Variants in GRIN2B observed in about 807,000 individuals in gnomAD.
The protein encoded by GRIN2B is glutamate receptor ionotropic, NMDA 2B.
GRIN2B carries 5 observed loss-of-function variants against 114.5 expected under a neutral mutation model. The observed-to-expected ratio is 0.04, with a 90% confidence interval of 0.02 to 0.09. The LOEUF is 0.09. Ranked by LOEUF, GRIN2B falls within the 10% of genes least tolerant of loss-of-function variation. GRIN2B has a pLI of 1.00. For synonymous variants in GRIN2B, 787 were observed against 745.1 expected, an observed-to-expected ratio of 1.06 and a Z score of -0.92; for missense variants, 1,108 against 1,943.5, an observed-to-expected ratio of 0.57 and a Z score of 8.08.
chr12:13,570,155 T>C (rs950683386), intron 11 of GRIN2B, 138 bp from the exon 12 acceptor site: 8 of 675,416 alleles, frequency 1.2e-5, no homozygotes, highest in Admixed American at 2.3e-5. Flanking sequence ...GTTGGAACTC[T>C]GCCAGAATCT....
At chr12:13,807,847 T>C (rs1242816557) in intron 3 of GRIN2B, among the ~76,000 whole-genome samples, 4 of 151,480 alleles carry the variant, frequency 2.6e-5, no homozygotes, top group Non-Finnish European at 5.9e-5. Flanking sequence ...AGCAGGACTG[T>C]CATAGAATCA....
At chr12:13,812,230 G>C (rs1864743995) in intron 3 of GRIN2B, among the ~76,000 whole-genome samples, 1 of 149,484 alleles carries the variant, frequency 6.7e-6, no homozygotes, top group Admixed American at 6.7e-5. Context: ...TTAGGTGTAT[G>C]CCCAACAGAA....
chr12:13,867,252 C>T (rs1431771272), intron 2 of GRIN2B, among the ~76,000 whole-genome samples: 1 of 152,128 alleles, frequency 6.6e-6, no homozygotes, highest in African/African-American at 2.4e-5. Flanking sequence ...AATTTGCCAC[C>T]TTTTACCTAC....
chr12:13,812,930 A>ATTTTTTTTT (rs34773248), intron 3 of GRIN2B, among the ~76,000 whole-genome samples: 1 of 118,392 alleles, frequency 8.4e-6, no homozygotes, highest in African/African-American at 3.3e-5. Flanking sequence ...AGTTTTGGGA[A>ATTTTTTTTT]TTTTTTTTTT....
intron 8 of GRIN2B, 138 bp downstream of exon 8, chr12:13,614,962 TTTTGAAGTCCCCTA>T: frequency 2.7e-6 from 2 of 747,420 alleles, no homozygotes; most frequent in Non-Finnish European, 4.8e-6. Flanking sequence ...GAGTAATTGA[TTTTGAAGTCCCCTA>T]AGTGAAGTCC....
intron 3 of GRIN2B, among the ~76,000 whole-genome samples, chr12:13,763,443 T>C (rs1863718809): frequency 6.6e-6 from 1 of 152,176 alleles, no homozygotes; most frequent in Non-Finnish European, 1.5e-5. Context: ...CTCCCGTGGA[T>C]GAGGAGCCTT....
At chr12:13,572,012 G>C in intron 10 of GRIN2B, 48 bp from the exon 11 acceptor site, 4 of 1,441,146 alleles carry the variant, frequency 2.8e-6, no homozygotes, top group Non-Finnish European at 3.9e-6. Context: ...TGGAGGGAGA[G>C]AGAGAGAGAA....
chr12:13,710,818 T>C, intron 4 of GRIN2B, among the ~76,000 whole-genome samples: 1 of 152,084 alleles, frequency 6.6e-6, no homozygotes, highest in East Asian at 1.9e-4. Context: ...AATTTATAGA[T>C]TCAATGCCAT....
At chr12:13,747,720 T>C (rs1762412034) in intron 4 of GRIN2B, among the ~76,000 whole-genome samples, 1 of 152,236 alleles carries the variant, frequency 6.6e-6, no homozygotes, top group South Asian at 2.1e-4. Context: ...CACTGTAAAT[T>C]AGATTAAGTG....
chr12:13,871,855 G>T (rs868283660), intron 2 of GRIN2B, among the ~76,000 whole-genome samples: 3 of 151,894 alleles, frequency 2.0e-5, no homozygotes, highest in African/African-American at 7.3e-5. Context: ...TGGCAAATAG[G>T]GAAAGGGGCT....
At chr12:13,880,335 G>A (rs73296780) in intron 2 of GRIN2B, among the ~76,000 whole-genome samples, 2,051 of 152,304 alleles carry the variant, frequency 0.013, 46 homozygotes, top group African/African-American at 0.048. Context: ...AGGAGCAAGA[G>A]CCCACGGAAG....
intron 2 of GRIN2B, among the ~76,000 whole-genome samples, chr12:13,878,590 C>T (rs1591599315): frequency 6.6e-6 from 1 of 152,200 alleles, no homozygotes. Flanking sequence ...CTGAGTTCCA[C>T]AATAATACCT....
rs550524517 is a variant in GRIN2B at position 13,619,465 on chromosome 12, A to C, written c.1126-2808T>G. ...CTGGGTTCTGATCCTATAATTCTATAATCTACTGATTTTTATTAAATATAT... is the reference window on the plus strand; with the variant it reads ...CTGGGTTCTGATCCTATAATTCTATCATCTACTGATTTTTATTAAATATAT... On this transcript the variant is annotated intron_variant, in intron 5 of 13. Transcript: ENST00000609686. 2.0e-5 allele frequency among the ~76,000 whole-genome samples: 3 copies of C among 152,312 alleles called. No homozygotes were observed. The South Asian group carries it at 6.2e-4, about 32-fold the overall frequency.
chr12:13,738,431 G>C (rs952274579), intron 4 of GRIN2B, among the ~76,000 whole-genome samples: 3 of 152,226 alleles, frequency 2.0e-5, no homozygotes, highest in African/African-American at 7.2e-5. Flanking sequence ...AATTTGTTTT[G>C]ATGCTCATGT....
At chr12:13,732,298 T>C (rs918941663) in intron 4 of GRIN2B, among the ~76,000 whole-genome samples, 2 of 152,238 alleles carry the variant, frequency 1.3e-5, no homozygotes, top group African/African-American at 4.8e-5. Flanking sequence ...TCTGTTCCAC[T>C]TGTAAACACC....
At chr12:13,616,722 G>T in intron 5 of GRIN2B, 65 bp from the exon 6 acceptor site, 1 of 1,301,432 alleles carries the variant, frequency 7.7e-7, no homozygotes. Context: ...GCCTGTCCCA[G>T]TATTGTCTGA....
chr12:13,939,535 G>A (rs1035173347), intron 2 of GRIN2B, among the ~76,000 whole-genome samples: 1 of 136,944 alleles, frequency 7.3e-6, no homozygotes, highest in Admixed American at 7.8e-5. Context: ...ACAGATGCCT[G>A]CACCGTGCTT....
At chr12:13,573,647 A>AACCAAGAG (rs1216115550) in intron 10 of GRIN2B, among the ~76,000 whole-genome samples, 2 of 152,238 alleles carry the variant, frequency 1.3e-5, no homozygotes, top group Admixed American at 6.5e-5. Context: ...AGATATTTGA[A>AACCAAGAG]GTCCTCTTGG....
intron 5 of GRIN2B, among the ~76,000 whole-genome samples, chr12:13,650,682 A>T (rs763345639): frequency 2.6e-5 from 4 of 152,052 alleles, no homozygotes; most frequent in Non-Finnish European, 4.4e-5. Flanking sequence ...CCTTACTTAA[A>T]ATGTCAACAC....
Sources: gnomAD v4.1 joint callset for allele counts (sites outside exome capture counted in the v4.1 genomes callset) on GRCh38, gnomAD v4.1.1 for gene constraint, MANE v1.5 for transcripts, NCBI Gene and HGNC (gene_info 2026-07-23, HGNC 2026-07-21) for gene names.